FMR1NB: variants seen among roughly 807,000 people sequenced by gnomAD.
FMR1NB encodes FMR1 neighbor.
Under a neutral mutation model 16.8 loss-of-function variants are expected in FMR1NB, and 10 were observed. The observed-to-expected ratio is 0.60, with a 90% CI of 0.37 to 1.01. FMR1NB has a LOEUF of 1.01. FMR1NB is among the 50% of genes least tolerant of loss of function. The pLI is 0.01. For missense variants in FMR1NB, 205 were observed against 204.8 expected (o/e 1.00, Z 0.00); for synonymous variants, 83 against 79.1 (o/e 1.05, Z -0.26).
In FMR1NB at chrX:147,981,367, G is replaced by C; in HGVS notation, c.-36G>C. 8.4e-7 allele frequency: 1 copy of C among 1,192,273 alleles called. No individual in the cohort carries two copies. Among genetic ancestry groups the C allele is most frequent in the Non-Finnish European group, 1.1e-6 (1 of 883,971 alleles). On this transcript the variant is annotated 5_prime_UTR_variant, in exon 1 of 6. Coordinates refer to ENST00000370467, the MANE Select transcript of FMR1NB (RefSeq NM_152578.3). ...CCACGGACTGCCGGACCGTTGGGCT[G>C]TGAGGCAGCGTCTCAGCGAGGCGGC...
At chrX:148,013,827 C>T (rs2044636708) in intron 4 of FMR1NB, among the ~76,000 whole-genome samples, 1 of 112,032 alleles carries the variant, frequency 8.9e-6, no homozygotes, top group Non-Finnish European at 1.9e-5. Context: ...ATTATCTCCC[C>T]TTGACCCTTC....
chrX:148,019,679 T>TG (rs1557190455), intron 4 of FMR1NB, among the ~76,000 whole-genome samples: 2 of 112,117 alleles, frequency 1.8e-5, no homozygotes, highest in African/African-American at 6.5e-5. Context: ...TTAATGATCT[T>TG]GGGAAAAAAA....
intron 4 of FMR1NB, among the ~76,000 whole-genome samples, chrX:148,009,056 G>A (rs1243177212): frequency 1.8e-5 from 2 of 110,229 alleles, no homozygotes; most frequent in African/African-American, 6.6e-5. Flanking sequence ...GGTGGTGCAC[G>A]CCTGTAATCC....
Sources: allele counts gnomAD v4.1 joint callset (sites outside exome capture counted in the v4.1 genomes callset), GRCh38; gene constraint gnomAD v4.1.1; transcripts MANE v1.5; gene names NCBI Gene and HGNC (gene_info 2026-07-23, HGNC 2026-07-21).